Variants in GRIN2A observed in about 807,000 individuals in gnomAD.
The protein encoded by GRIN2A is glutamate receptor ionotropic, NMDA 2A.
Under a neutral mutation model 113.4 loss-of-function variants are expected in GRIN2A, and 22 were observed. The observed-to-expected ratio is 0.19, with a 90% CI of 0.14 to 0.28. The LOEUF is 0.28. Among genes scored for constraint, GRIN2A ranks in the 10% least tolerant of loss-of-function variants. The pLI, the probability that GRIN2A is intolerant of heterozygous loss-of-function variation, is 1.00. For missense variants in GRIN2A, 1,502 were observed against 1,887.0 expected, an observed-to-expected ratio of 0.80 and a Z score of 3.78; for synonymous variants, 827 against 738.4, an observed-to-expected ratio of 1.12 and a Z score of -1.94.
At chr16:9,965,302 T>C (rs2045531930) in intron 2 of GRIN2A, among the ~76,000 whole-genome samples, 1 of 152,166 alleles carries the variant, frequency 6.6e-6, no homozygotes, top group Non-Finnish European at 1.5e-5. Flanking sequence ...GACTCACAAA[T>C]GGCTACAGCC....
chr16:10,109,967 T>C (rs2048581126), intron 2 of GRIN2A, among the ~76,000 whole-genome samples: 1 of 152,118 alleles, frequency 6.6e-6, no homozygotes, highest in Non-Finnish European at 1.5e-5. Flanking sequence ...TAGTTACATA[T>C]GTATACATGT....
intron 2 of GRIN2A, among the ~76,000 whole-genome samples, chr16:9,958,753 ATACCT>A (rs112587350): frequency 1.6e-4 from 24 of 152,242 alleles, no homozygotes; most frequent in African/African-American, 5.8e-4. Flanking sequence ...GAATAGCTTC[ATACCT>A]TACCTCCACC....
chr16:10,044,022 T>TATATATATATAGAGAG (rs531659457), intron 2 of GRIN2A, among the ~76,000 whole-genome samples: 9 of 108,004 alleles, frequency 8.3e-5, no homozygotes, highest in East Asian at 4.0e-4. Context: ...TATATATATA[T>TATATATATATAGAGAG]AGAGAGAGAG....
Position 9,759,531 on chromosome 16 carries a change from C to A in GRIN2A, c.*3618G>T. The A allele has an allele frequency of 4.4e-6, 1 of 224,878 alleles. No individual in the cohort carries two copies. The highest frequency in any genetic ancestry group is 6.5e-5 in the East Asian group (1 of 15,464). 13.9% of individuals were successfully genotyped at this position (224,878 alleles called of 1,614,324 possible). On this transcript the variant is annotated 3_prime_UTR_variant, in exon 13 of 13. Transcript: ENST00000330684. ...ACAAGGTGTAATTTTCTATTTTTCT[C>A]CCCAGAAAATAAGCGTGAAATGATT...
intron 2 of GRIN2A, among the ~76,000 whole-genome samples, chr16:10,091,978 T>C (rs1215518005): frequency 6.6e-6 from 1 of 152,218 alleles, no homozygotes; most frequent in Non-Finnish European, 1.5e-5. Flanking sequence ...TAAAAATCAT[T>C]GGATTATGTA....
intron 2 of GRIN2A, among the ~76,000 whole-genome samples, chr16:10,012,992 A>G (rs1415226086): frequency 6.6e-6 from 1 of 152,268 alleles, no homozygotes; most frequent in South Asian, 2.1e-4. Flanking sequence ...AAGCTGGCCC[A>G]ATTTACCAGT....
intron 2 of GRIN2A, among the ~76,000 whole-genome samples, chr16:10,122,546 G>A (rs4780818): frequency 0.76 from 115,057 of 151,908 alleles, 44,840 homozygotes; most frequent in East Asian, 1. Flanking sequence ...AGAAAGTTTC[G>A]CTTTGATTAG....
rs2046495699 is a variant in GRIN2A, at chr16:10,011,074, C to A, written c.415-72523G>T. Among the ~76,000 whole-genome samples, 3 of 152,188 alleles carry A rather than the reference C, an allele frequency of 2.0e-5. No individual in the cohort carries two copies. The South Asian group carries it at 6.2e-4, about 31-fold the overall frequency. ...CCAGACTCTTCTTTAGCATCAGTAA[C>A]CCCACAAACAACTGGGAAGAATACT... is the stretch of plus-strand genomic sequence containing the variant. On this transcript the variant is annotated intron_variant, in intron 2 of 12. Coordinates refer to ENST00000330684, the MANE Select transcript of GRIN2A (RefSeq NM_001134407.3).
chr16:10,083,034 G>C (rs2048013909), intron 2 of GRIN2A, among the ~76,000 whole-genome samples: 1 of 152,208 alleles, frequency 6.6e-6, no homozygotes, highest in African/African-American at 2.4e-5. Flanking sequence ...TTAGGGAAAA[G>C]AGGACTCAGT....
At chr16:10,167,645 C>T (rs1405663667) in intron 2 of GRIN2A, among the ~76,000 whole-genome samples, 2 of 152,210 alleles carry the variant, frequency 1.3e-5, no homozygotes, top group Non-Finnish European at 1.5e-5. Flanking sequence ...ATCTACGATG[C>T]ATTAATGGAG....
chr16:9,969,163 CA>C (rs1567207076), intron 2 of GRIN2A, among the ~76,000 whole-genome samples: 1 of 152,074 alleles, frequency 6.6e-6, no homozygotes, highest in Non-Finnish European at 1.5e-5. Context: ...TCCTGTTGCA[CA>C]AAACAGGTTT....
intron 2 of GRIN2A, among the ~76,000 whole-genome samples, chr16:9,972,737 G>C (rs1279048619): frequency 6.6e-6 from 1 of 152,168 alleles, no homozygotes; most frequent in Non-Finnish European, 1.5e-5. Context: ...GACAGAGTGA[G>C]ATCTAACATA....
At chr16:10,121,183 C>CCGA (rs1411067263) in intron 2 of GRIN2A, 1 of 146,704 alleles carries the variant, frequency 6.8e-6, no homozygotes, top group Non-Finnish European at 1.5e-5. Flanking sequence ...CACTCCTACC[C>CCGA]CTGACTCCGA....
intron 4 of GRIN2A, among the ~76,000 whole-genome samples, chr16:9,857,430 T>C (rs2042988550): frequency 6.6e-6 from 1 of 152,210 alleles, no homozygotes; most frequent in South Asian, 2.1e-4. Context: ...TTTGTAAATA[T>C]AAAACTAGTT....
At chr16:9,939,993 CA>C (rs1387256385) in intron 2 of GRIN2A, among the ~76,000 whole-genome samples, 1 of 145,742 alleles carries the variant, frequency 6.9e-6, no homozygotes, top group African/African-American at 2.6e-5. Flanking sequence ...ACAACCTCAA[CA>C]AGATAACTTA....
At chr16:9,821,435 C>G (rs2042282932) in intron 10 of GRIN2A, among the ~76,000 whole-genome samples, 1 of 152,072 alleles carries the variant, frequency 6.6e-6, no homozygotes. Context: ...CCAATGTGGG[C>G]TTTAGCAAAG....
chr16:10,145,940 G>A (rs181800560), intron 2 of GRIN2A, among the ~76,000 whole-genome samples: 16 of 152,302 alleles, frequency 1.1e-4, no homozygotes, highest in Admixed American at 9.2e-4. Context: ...ACTGAAATAA[G>A]AACAGCATTC....
intron 2 of GRIN2A, among the ~76,000 whole-genome samples, chr16:10,130,245 G>T (rs761016083): frequency 1.3e-5 from 2 of 152,158 alleles, no homozygotes; most frequent in African/African-American, 4.8e-5. Context: ...AAAGCAAGCT[G>T]AATTTCCAGG....
chr16:9,799,778 TAC>T (rs1017388783), intron 10 of GRIN2A, among the ~76,000 whole-genome samples: 2 of 152,222 alleles, frequency 1.3e-5, no homozygotes, highest in African/African-American at 4.8e-5. Flanking sequence ...TCTTTTTTGA[TAC>T]ACTTATTTTT....
Sources: gnomAD v4.1 joint callset for allele counts (sites outside exome capture counted in the v4.1 genomes callset) on GRCh38, gnomAD v4.1.1 for gene constraint, MANE v1.5 for transcripts, NCBI Gene and HGNC (gene_info 2026-07-23, HGNC 2026-07-21) for gene names.